Variants in HFM1 observed in about 807,000 individuals in gnomAD.
HFM1 encodes helicase for meiosis 1, also known as probable ATP-dependent DNA helicase HFM1.
Under a neutral mutation model 192.1 loss-of-function variants are expected in HFM1, and 169 were observed. That is an observed-to-expected ratio of 0.88 (90% CI 0.78 to 1.00). The LOEUF is 1.00. HFM1 is among the 50% of genes least tolerant of loss of function. The probability of loss-of-function intolerance (pLI) is 0.00; values close to 1 mark genes in which losing one functional copy is unlikely to be tolerated. For missense variants in HFM1, 1,661 were observed against 1,668.0 expected (o/e 1.00, Z 0.07); for synonymous variants, 525 against 537.8 (o/e 0.98, Z 0.33).
upstream of HFM1, among the ~76,000 whole-genome samples, chr1:91,406,678 T>A (rs1664826541): frequency 6.6e-6 from 1 of 152,188 alleles, no homozygotes; most frequent in Non-Finnish European, 1.5e-5. Context: ...TCCTCCAAAT[T>A]GAATAACATA....
chr1:91,397,216 A>T (rs1663770474), intron 2 of HFM1, among the ~76,000 whole-genome samples: 1 of 152,192 alleles, frequency 6.6e-6, no homozygotes, highest in African/African-American at 2.4e-5. Flanking sequence ...CCATCTACAA[A>T]CTACAGAAAA....
chr1:91,375,076 C>T (rs935247809), intron 13 of HFM1, among the ~76,000 whole-genome samples: 3 of 151,904 alleles, frequency 2.0e-5, no homozygotes, highest in African/African-American at 7.3e-5. Context: ...AAGATTAATT[C>T]GCAAGATCAG....
chr1:91,340,108 T>C (rs955860732), intron 20 of HFM1, among the ~76,000 whole-genome samples: 1 of 152,126 alleles, frequency 6.6e-6, no homozygotes, highest in African/African-American at 2.4e-5. Flanking sequence ...CAGGCTCAAG[T>C]GATCCTGCCA....
intron 30 of HFM1, among the ~76,000 whole-genome samples, chr1:91,302,263 C>T (rs915679680): frequency 6.6e-6 from 1 of 151,430 alleles, no homozygotes; most frequent in African/African-American, 2.4e-5. Flanking sequence ...GAATGGTGAT[C>T]ATTAAAAAGT....
Position 91,329,307 on chromosome 1 carries a change from T to C in HFM1, c.2336-4541A>G, listed in dbSNP as rs1026565908. The C allele has an allele frequency of 2.5e-6, 4 of 1,608,002 alleles. No homozygotes were observed. In the African/African-American group the frequency reaches 4.0e-5, roughly 16 times the overall value. ...TGAAGAAGAGCTGGTCAAGTTCGTG[T>C]GTGGTGAAAAGCAGTTCTCTGAGGA... On this transcript the variant is annotated intron_variant, in intron 20 of 38. Coordinates refer to ENST00000370425, the MANE Select transcript of HFM1 (RefSeq NM_001017975.6).
intron 23 of HFM1, among the ~76,000 whole-genome samples, chr1:91,321,353 A>C (rs913765298): frequency 6.6e-6 from 1 of 152,170 alleles, no homozygotes; most frequent in Non-Finnish European, 1.5e-5. Flanking sequence ...CTGAGGCAGG[A>C]GAATCGCTTG....
rs569644096 is a variant in HFM1 at position 91,307,246 on chromosome 1, CTT to C, written c.3391+6101_3391+6102del. Among the ~76,000 whole-genome samples, 16 of 152,148 alleles carry C rather than the reference CTT, an allele frequency of 1.1e-4. No homozygotes were observed. In the East Asian group the frequency reaches 2.9e-3, roughly 28 times the overall value. On this transcript the variant is annotated intron_variant, in intron 30 of 38. Transcript: ENST00000370425. ...ATTATTATGTTTGATATGGTATACT[CTT>C]GAGATGCAAGCTTGTATTTTTTTGC... is the stretch of plus-strand genomic sequence containing the variant.
chr1:91,352,228 T>TA (rs778340523), intron 16 of HFM1, among the ~76,000 whole-genome samples: 595 of 132,342 alleles, frequency 4.5e-3, no homozygotes, highest in East Asian at 0.012. Context: ...ATTCAGAATT[T>TA]AAAAAAAAAA....
At position 91,273,463 on chromosome 1, in the gene HFM1, A is replaced by G. The variant is rs943322394; in HGVS notation, c.3772+249T>C. Among the ~76,000 whole-genome samples the G allele has an allele frequency of 4.6e-5, 7 of 152,108 alleles. No homozygotes were observed. In the East Asian group the frequency reaches 1.2e-3, roughly 25 times the overall value. ...TCCCTTATTTGCTCAGGTTTTCCTC[A>G]TAGTATCTTTAAATTAAAATAGCAT... On this transcript the variant is annotated intron_variant, in intron 34 of 38. Transcript: ENST00000370425.
At chr1:91,379,253 A>G (rs199501437) in intron 8 of HFM1, 39 bp from the exon 9 acceptor site, 40 of 1,523,568 alleles carry the variant, frequency 2.6e-5, no homozygotes. Context: ...ACATCAGTTC[A>G]ATTTTAAAAT....
In HFM1 at chr1:91,315,964, T is replaced by C. The variant is rs140136537; in HGVS notation, c.2991A>G (p.Arg997=). 1.6e-5 allele frequency: 25 copies of C among 1,582,840 alleles called. No individual in the cohort carries two copies. The African/African-American group carries it at 3.2e-4, about 21-fold the overall frequency. The stretch of plus-strand genomic sequence containing the variant: ...ATATTTCTGCCGTCGTATCACTATA[T>C]CTTGTAATCTTTAAAAAAGGACAAG... The part of the protein sequence containing the change: ...KYELKVEQIT[R]YSDTTAEILV... Residue 997 remains arginine, a synonymous_variant, in exon 28 of 39, where the codon AGA becomes AGG. Coordinates refer to ENST00000370425, the MANE Select transcript of HFM1 (RefSeq NM_001017975.6).
rs1666850047 is a variant in HFM1, at chr1:91,276,671, T to C, written c.3545A>G (p.Asn1182Ser). 2 of 1,575,544 alleles carry C rather than the reference T, an allele frequency of 1.3e-6. No homozygotes were observed. The highest frequency in any genetic ancestry group is 2.8e-5 in the African/African-American group (2 of 72,680). The change falls in exon 32 of 39, where the codon AAC (asparagine) becomes AGC (serine). Residue 1182 changes from asparagine to serine, a missense_variant. Asn to Ser is a conservative substitution (Grantham distance 46). Coordinates refer to ENST00000370425, the MANE Select transcript of HFM1 (RefSeq NM_001017975.6). Reference sequence around the variant, plus strand: ...AGGAACAGATGAAACAGCATTCCTGTTTCTTAAATCAGATAAATATGAAGA... The same window carrying C: ...AGGAACAGATGAAACAGCATTCCTGCTTCTTAAATCAGATAAATATGAAGA... ...TISSYLSDLR[N>S]RNAVSSVPPV...
intron 20 of HFM1, among the ~76,000 whole-genome samples, chr1:91,341,274 C>A (rs1202539982): frequency 1.3e-5 from 2 of 152,088 alleles, no homozygotes; most frequent in African/African-American, 4.8e-5. Flanking sequence ...GAAATCAATA[C>A]TAAGATCTTT....
intron 11 of HFM1, among the ~76,000 whole-genome samples, chr1:91,376,505 T>C (rs1484885656): frequency 3.9e-5 from 6 of 151,914 alleles, no homozygotes; most frequent in Non-Finnish European, 7.4e-5. Context: ...ACAAGTAGTG[T>C]TTATCACAAA....
At chr1:91,290,476 G>A (rs1357057483) in intron 30 of HFM1, among the ~76,000 whole-genome samples, 1 of 152,066 alleles carries the variant, frequency 6.6e-6, no homozygotes, top group Non-Finnish European at 1.5e-5. Flanking sequence ...AATGGTAAAG[G>A]GACCAATTCA....
intron 20 of HFM1, among the ~76,000 whole-genome samples, chr1:91,332,003 C>A (rs184892521): frequency 1.2e-3 from 176 of 152,174 alleles, no homozygotes; most frequent in African/African-American, 4.2e-3. Context: ...TTGGAAAAAT[C>A]AATATTATTA....
At chr1:91,281,215 G>A (rs1667437130) in intron 30 of HFM1, among the ~76,000 whole-genome samples, 1 of 152,190 alleles carries the variant, frequency 6.6e-6, no homozygotes, top group African/African-American at 2.4e-5. Flanking sequence ...AGACTGATTT[G>A]AGAGATATAC....
chr1:91,392,226 A>T (rs1321004997), intron 4 of HFM1, among the ~76,000 whole-genome samples: 1 of 152,088 alleles, frequency 6.6e-6, no homozygotes, highest in African/African-American at 2.4e-5. Flanking sequence ...ATACCATTTG[A>T]CCCAGCCATC....
intron 20 of HFM1, among the ~76,000 whole-genome samples, chr1:91,339,911 A>G (rs887257322): frequency 6.6e-6 from 1 of 152,192 alleles, no homozygotes; most frequent in African/African-American, 2.4e-5. Flanking sequence ...ACAGAAAGGT[A>G]TATGTTACCT....
Sources: gnomAD v4.1 joint callset for allele counts (sites outside exome capture counted in the v4.1 genomes callset) on GRCh38, gnomAD v4.1.1 for gene constraint, MANE v1.5 for transcripts, NCBI Gene and HGNC (gene_info 2026-07-23, HGNC 2026-07-21) for gene names.